Variants in DPH6 observed in about 807,000 individuals in gnomAD.
DPH6 encodes the protein diphthine--ammonia ligase.
A neutral mutation model predicts 38.2 loss-of-function variants in DPH6; 33 were observed. The ratio of observed to expected loss-of-function variants is 0.86; its 90% confidence interval spans 0.65 to 1.15. The LOEUF is 1.15. Among genes scored for constraint, DPH6 ranks in the 50% most tolerant of loss-of-function variants. The probability of loss-of-function intolerance (pLI) is 0.00; values close to 1 mark genes in which losing one functional copy is unlikely to be tolerated. For missense variants in DPH6, 325 were observed against 320.0 expected, an observed-to-expected ratio of 1.02 and a Z score of -0.12; for synonymous variants, 108 against 103.0, an observed-to-expected ratio of 1.05 and a Z score of -0.30.
chr15:35,228,406 C>T (rs927875973), intron 3 of DPH6, among the ~76,000 whole-genome samples: 4 of 152,202 alleles, frequency 2.6e-5, no homozygotes, highest in Admixed American at 6.5e-5. Flanking sequence ...TTTCTGTGTA[C>T]TTACTATTAC....
At chr15:35,481,759 A>C (rs1359663445) in intron 3 of DPH6, among the ~76,000 whole-genome samples, 2 of 152,206 alleles carry the variant, frequency 1.3e-5, no homozygotes, top group Admixed American at 6.5e-5. Flanking sequence ...ACTTAATTGT[A>C]GCTGGCTAAT....
intron 3 of DPH6, among the ~76,000 whole-genome samples, chr15:35,226,345 C>G (rs771323943): frequency 1.8e-4 from 28 of 152,086 alleles, no homozygotes; most frequent in Non-Finnish European, 3.8e-4. Flanking sequence ...TTTACTCAGT[C>G]TTTACATACG....
At chr15:35,439,193 T>C (rs1206851952) in intron 5 of DPH6, among the ~76,000 whole-genome samples, 3 of 152,230 alleles carry the variant, frequency 2.0e-5, no homozygotes, top group Non-Finnish European at 4.4e-5. Context: ...TGTTGATGAA[T>C]ATCAAACAGA....
chr15:35,309,876 G>A (rs2052125457), intron 3 of DPH6, among the ~76,000 whole-genome samples: 1 of 152,230 alleles, frequency 6.6e-6, no homozygotes, highest in Non-Finnish European at 1.5e-5. Flanking sequence ...ATGTTTCAGA[G>A]TGATGTGATC....
In DPH6 at chr15:35,287,728, TTCTTA is replaced by T. The variant is rs578253288; in HGVS notation, n.201-67151_201-67147del. Among the ~76,000 whole-genome samples the T allele has an allele frequency of 9.7e-3, 1,475 of 152,318 alleles. 8 individuals carry two copies. The highest frequency in any genetic ancestry group is 0.017 in the Middle Eastern group (5 of 294). On this transcript the variant is annotated intron_variant and non_coding_transcript_variant, in intron 3 of 3. Coordinates refer to the DPH6 transcript ENST00000560386. Reference sequence around the variant, plus strand: ...TTAAACTCCTTACTTAAATTTTTTTTTCTTATTAGACCCTCAACCCACAAATGTTC... The same window carrying T: ...TTAAACTCCTTACTTAAATTTTTTTTTTAGACCCTCAACCCACAAATGTTC...
At chr15:35,158,390 A>G in the DPH6 span, among the ~76,000 whole-genome samples, 3 of 152,126 alleles carry the variant, frequency 2.0e-5, no homozygotes, top group Admixed American at 2.0e-4. Flanking sequence ...TTAGGGAATT[A>G]TATGCACTCA....
downstream of DPH6, among the ~76,000 whole-genome samples, chr15:35,327,326 GAAAA>G (rs2052290858): frequency 3.4e-5 from 5 of 146,322 alleles, no homozygotes; most frequent in South Asian, 1.1e-3. Flanking sequence ...AAAATTTCTA[GAAAA>G]GGTTCCTTTT....
intron 1 of DPH6, 92 bp downstream of exon 1, chr15:35,546,027 G>C (rs985198880): frequency 1.7e-4 from 195 of 1,176,934 alleles, no homozygotes; most frequent in Non-Finnish European, 2.1e-4. Flanking sequence ...GCGCGACTCA[G>C]ACGGAGACAC....
At chr15:35,470,315 TA>T (rs1177491524) in intron 3 of DPH6, among the ~76,000 whole-genome samples, 1 of 151,982 alleles carries the variant, frequency 6.6e-6, no homozygotes, top group Non-Finnish European at 1.5e-5. Context: ...AAAGAGGTTT[TA>T]AAGCGCAGAG....
chr15:35,201,421 C>A, the DPH6 span, among the ~76,000 whole-genome samples: 1 of 151,904 alleles, frequency 6.6e-6, no homozygotes, highest in African/African-American at 2.4e-5. Context: ...TTAATCAATT[C>A]TATTCCCCTT....
At chr15:35,462,666 T>C (rs73380744) in intron 3 of DPH6, among the ~76,000 whole-genome samples, 5,129 of 152,296 alleles carry the variant, frequency 0.034, 273 homozygotes, top group African/African-American at 0.12. Context: ...CCTTTCACCA[T>C]CACTTTCTAT....
intron 1 of DPH6, among the ~76,000 whole-genome samples, 172 bp downstream of exon 1, chr15:35,545,947 C>A (rs1595461117): frequency 6.7e-6 from 1 of 149,288 alleles, no homozygotes; most frequent in Non-Finnish European, 1.5e-5. Context: ...GGGGCCGAGG[C>A]ACATGCGGGC....
At chr15:35,354,457 C>CAATA (rs1395266981) in intron 3 of DPH6, among the ~76,000 whole-genome samples, 1 of 152,142 alleles carries the variant, frequency 6.6e-6, no homozygotes, top group Non-Finnish European at 1.5e-5. Context: ...TATGTCCCAT[C>CAATA]AATATGAAAT....
At chr15:35,397,997 G>T (rs974634459) in intron 6 of DPH6, among the ~76,000 whole-genome samples, 3 of 151,860 alleles carry the variant, frequency 2.0e-5, no homozygotes, top group African/African-American at 7.3e-5. Context: ...TTCAAGACAG[G>T]AGAATGGAGA....
In DPH6 at chr15:35,350,725, T is replaced by A. The variant is rs534523060; in HGVS notation, n.208-19648A>T. The stretch of plus-strand genomic sequence containing the variant: ...ATTCAAGAGTGTATTAATTTCCACA[T>A]ATTTAGGAATTTTCAAGTGTTCCTT... On this transcript the variant is annotated intron_variant and non_coding_transcript_variant, in intron 3 of 3. Coordinates refer to the DPH6 transcript ENST00000558973. Among the ~76,000 whole-genome samples the A allele has an allele frequency of 4.6e-5, 7 of 152,316 alleles. No homozygotes were observed. In the South Asian group the frequency reaches 1.4e-3, roughly 32 times the overall value.
At position 35,498,486 on chromosome 15, in the gene DPH6, A is replaced by G. The variant is rs74010311; in HGVS notation, c.312+39788T>C. Among the ~76,000 whole-genome samples, 1,181 of 152,228 alleles carry G rather than the reference A, an allele frequency of 7.8e-3. 17 individuals carry two copies. Among genetic ancestry groups the G allele is most frequent in the African/African-American group, 0.027 (1,117 of 41,526 alleles). The stretch of plus-strand genomic sequence containing the variant: ...GATCATCACGTGGTTATCAAAGCAT[A>G]AAGTTAAGGATATCCAGGATTCTTC... On this transcript the variant is annotated intron_variant, in intron 3 of 8. Transcript: ENST00000256538.
intron 3 of DPH6, among the ~76,000 whole-genome samples, chr15:35,233,219 G>GA (rs1345907403): frequency 2.6e-5 from 4 of 152,146 alleles, no homozygotes; most frequent in Non-Finnish European, 5.9e-5. Context: ...TGAGGCAGTA[G>GA]AATCACTTGA....
At chr15:35,207,255 C>T in the DPH6 span, among the ~76,000 whole-genome samples, 2 of 151,668 alleles carry the variant, frequency 1.3e-5, no homozygotes, top group East Asian at 3.9e-4. Flanking sequence ...GCTATTTTGC[C>T]AGGGCTGGTC....
intron 3 of DPH6, among the ~76,000 whole-genome samples, chr15:35,279,829 T>C (rs1295607753): frequency 6.6e-6 from 1 of 152,172 alleles, no homozygotes; most frequent in African/African-American, 2.4e-5. Flanking sequence ...CCCAAATTCA[T>C]ATGTTGAAGC....
Sources: allele counts gnomAD v4.1 joint callset (sites outside exome capture counted in the v4.1 genomes callset), GRCh38; gene constraint gnomAD v4.1.1; transcripts MANE v1.5; gene names NCBI Gene and HGNC (gene_info 2026-07-23, HGNC 2026-07-21).